CNTNAP5: variants seen among roughly 807,000 people sequenced by gnomAD.
The protein encoded by CNTNAP5 is contactin associated protein family member 5, also known as contactin-associated protein-like 5.
Under a neutral mutation model 150.2 loss-of-function variants are expected in CNTNAP5, and 72 were observed. The observed-to-expected ratio is 0.48, with a 90% CI of 0.40 to 0.58. The LOEUF (loss-of-function observed/expected upper bound fraction) is 0.58. CNTNAP5 is among the 20% of genes least tolerant of loss of function. The probability of loss-of-function intolerance (pLI) is 0.00; values close to 1 mark genes in which losing one functional copy is unlikely to be tolerated. For missense variants in CNTNAP5, 1,636 were observed against 1,626.2 expected (o/e 1.01, Z -0.10); for synonymous variants, 672 against 619.8 (o/e 1.08, Z -1.25).
chr2:124,438,000 C>CTGTA (rs1205714837), intron 5 of CNTNAP5, among the ~76,000 whole-genome samples: 1 of 152,162 alleles, frequency 6.6e-6, no homozygotes, highest in Non-Finnish European at 1.5e-5. Context: ...AGAAGTTCAG[C>CTGTA]ACCACGGTCA....
chr2:124,235,917 CA>C (rs1339398583), intron 2 of CNTNAP5, among the ~76,000 whole-genome samples: 1 of 151,624 alleles, frequency 6.6e-6, no homozygotes, highest in African/African-American at 2.4e-5. Context: ...CCACATGGTG[CA>C]TGGTGTGTTG....
intron 10 of CNTNAP5, among the ~76,000 whole-genome samples, chr2:124,548,676 A>G (rs140017105): frequency 9.8e-5 from 15 of 152,334 alleles, no homozygotes; most frequent in African/African-American, 2.9e-4. Context: ...GAAAGAAAAA[A>G]ACACAGTCTA....
intron 12 of CNTNAP5, among the ~76,000 whole-genome samples, chr2:124,632,803 G>A (rs1473500840): frequency 1.3e-5 from 2 of 152,108 alleles, no homozygotes; most frequent in Non-Finnish European, 2.9e-5. Flanking sequence ...TCCACAGGCT[G>A]TACAGGGAGC....
intron 1 of CNTNAP5, among the ~76,000 whole-genome samples, chr2:124,139,559 A>G (rs1277048269): frequency 1.3e-5 from 2 of 152,144 alleles, no homozygotes; most frequent in Non-Finnish European, 1.5e-5. Flanking sequence ...GAGGACTCTC[A>G]GAAGCAGGAT....
intron 7 of CNTNAP5, among the ~76,000 whole-genome samples, chr2:124,488,255 G>A (rs571206836): frequency 1.3e-5 from 2 of 152,130 alleles, no homozygotes; most frequent in South Asian, 4.2e-4. Flanking sequence ...TCCTTTTCTT[G>A]TTATCAGTAT....
At chr2:124,094,152 C>T (rs191947630) in intron 1 of CNTNAP5, among the ~76,000 whole-genome samples, 17 of 152,290 alleles carry the variant, frequency 1.1e-4, no homozygotes, top group Admixed American at 9.8e-4. Flanking sequence ...ATGGTCTAAA[C>T]GTGCAAACTC....
At chr2:124,721,512 C>A (rs139411766) in intron 13 of CNTNAP5, among the ~76,000 whole-genome samples, 6,437 of 148,954 alleles carry the variant, frequency 0.043, 504 homozygotes, top group African/African-American at 0.15. Flanking sequence ...TAAATAAATA[C>A]ATAAATAAAT....
intron 3 of CNTNAP5, among the ~76,000 whole-genome samples, chr2:124,255,510 C>A (rs1003688371): frequency 6.7e-6 from 1 of 148,728 alleles, no homozygotes; most frequent in African/African-American, 2.5e-5. Flanking sequence ...GGCAACAGAG[C>A]GAGACTCTGT....
At chr2:124,655,437 T>C (rs1322646027) in intron 13 of CNTNAP5, among the ~76,000 whole-genome samples, 1 of 152,040 alleles carries the variant, frequency 6.6e-6, no homozygotes, top group African/African-American at 2.4e-5. Context: ...TTACTGTAAA[T>C]AGTGCTGCAA....
chr2:124,580,615 C>G (rs942344862), intron 11 of CNTNAP5, among the ~76,000 whole-genome samples: 4 of 152,128 alleles, frequency 2.6e-5, no homozygotes, highest in African/African-American at 9.7e-5. Context: ...AGTGCTTGGC[C>G]CCCTCCTCCT....
intron 17 of CNTNAP5, among the ~76,000 whole-genome samples, chr2:124,786,810 A>G (rs1681608835): frequency 6.6e-6 from 1 of 152,194 alleles, no homozygotes; most frequent in East Asian, 1.9e-4. Context: ...CTCTCTACAC[A>G]TAGTAGGTAA....
chr2:124,545,894 T>C (rs909492878), intron 10 of CNTNAP5, among the ~76,000 whole-genome samples: 1 of 152,098 alleles, frequency 6.6e-6, no homozygotes, highest in Non-Finnish European at 1.5e-5. Flanking sequence ...GAGTTCAAGA[T>C]TAGGCTGGGA....
At chr2:124,743,239 T>G (rs1261363811) in intron 13 of CNTNAP5, among the ~76,000 whole-genome samples, 1 of 152,180 alleles carries the variant, frequency 6.6e-6, no homozygotes, top group Non-Finnish European at 1.5e-5. Context: ...GTGGAAGAAA[T>G]AGAGATTTCA....
At chr2:124,354,156 T>C (rs1573935987) in intron 3 of CNTNAP5, among the ~76,000 whole-genome samples, 1 of 152,296 alleles carries the variant, frequency 6.6e-6, no homozygotes, top group South Asian at 2.1e-4. Context: ...AAATTCCAAA[T>C]GAATGAAAAG....
intron 1 of CNTNAP5, among the ~76,000 whole-genome samples, chr2:124,096,502 T>C (rs1440011841): frequency 2.0e-5 from 3 of 152,112 alleles, no homozygotes; most frequent in Non-Finnish European, 2.9e-5. Flanking sequence ...TAAATGCACT[T>C]CCTTCATATT....
intron 10 of CNTNAP5, among the ~76,000 whole-genome samples, chr2:124,562,626 C>CA (rs1263185376): frequency 6.6e-6 from 1 of 151,992 alleles, no homozygotes; most frequent in Non-Finnish European, 1.5e-5. Flanking sequence ...TTCAGAATAG[C>CA]CATGTTATTT....
chr2:124,264,596 A>G (rs1244409928), intron 3 of CNTNAP5, among the ~76,000 whole-genome samples: 1 of 152,124 alleles, frequency 6.6e-6, no homozygotes, highest in African/African-American at 2.4e-5. Flanking sequence ...CACAGGGCAA[A>G]AGGTTAGGAG....
At chr2:124,517,786 T>G (rs906210947) in intron 8 of CNTNAP5, among the ~76,000 whole-genome samples, 1 of 149,272 alleles carries the variant, frequency 6.7e-6, no homozygotes, top group African/African-American at 2.5e-5. Flanking sequence ...TGGAAGGTTG[T>G]GTTGTTGCTT....
At chr2:124,775,032 C>T (rs561025440) in intron 17 of CNTNAP5, among the ~76,000 whole-genome samples, 16 of 152,292 alleles carry the variant, frequency 1.1e-4, no homozygotes, top group African/African-American at 3.9e-4. Context: ...CCTGCTTCTG[C>T]TATGTTTCTC....
Sources: gnomAD v4.1 joint callset for allele counts (sites outside exome capture counted in the v4.1 genomes callset) on GRCh38, gnomAD v4.1.1 for gene constraint, MANE v1.5 for transcripts, NCBI Gene and HGNC (gene_info 2026-07-23, HGNC 2026-07-21) for gene names.